Variants in PASD1 observed in about 807,000 individuals in gnomAD.
The protein encoded by PASD1 is circadian clock protein PASD1.
PASD1 carries 13 observed loss-of-function variants against 58.8 expected under a neutral mutation model. The observed-to-expected ratio is 0.22, with a 90% CI of 0.14 to 0.35. The LOEUF (loss-of-function observed/expected upper bound fraction) is 0.35. Among genes scored for constraint, PASD1 ranks in the 10% least tolerant of loss-of-function variants. The probability of loss-of-function intolerance (pLI) is 1.00; values close to 1 mark genes in which losing one functional copy is unlikely to be tolerated. For missense variants in PASD1, 734 were observed against 568.3 expected (o/e 1.29, Z -2.96); for synonymous variants, 236 against 216.7 (o/e 1.09, Z -0.78).
chrX:151,648,468 A>G (rs181710804), intron 8 of PASD1, 147 bp from the exon 9 acceptor site: 2 of 558,118 alleles, frequency 3.6e-6, no homozygotes, highest in African/African-American at 4.6e-5. Flanking sequence ...CTGTGGGAAA[A>G]ATGATACCTC....
intron 7 of PASD1, among the ~76,000 whole-genome samples, chrX:151,624,753 CTG>C (rs1333980422): frequency 1.8e-5 from 2 of 111,895 alleles, no homozygotes; most frequent in Non-Finnish European, 3.8e-5. Flanking sequence ...ATTTTAGAAA[CTG>C]TGGAGGGGGC....
intron 8 of PASD1, chrX:151,641,222 G>A (rs773665110): frequency 9.0e-6 from 1 of 110,607 alleles, no homozygotes; most frequent in Admixed American, 9.7e-5. Context: ...CAAAAAAAAA[G>A]CACATTAGAG....
rs5904327 is a variant in PASD1, at chrX:151,668,916, A to ATT, written c.1072-2110_1072-2109dup. On this transcript the variant is annotated intron_variant, in intron 11 of 15. Transcript: ENST00000370357. Reference sequence around the variant, plus strand: ...CAGAGACACAACAAAAAAAAAAGAGATTTTTTTTTTTTTCAGAGATGGGGT... The same window carrying ATT: ...CAGAGACACAACAAAAAAAAAAGAGATTTTTTTTTTTTTTTCAGAGATGGGGT... Among the ~76,000 whole-genome samples the ATT allele has an allele frequency of 3.6e-3, 338 of 93,253 alleles. 1 individual carries two copies. Among genetic ancestry groups the ATT allele is most frequent in the African/African-American group, 6.3e-3 (161 of 25,512 alleles). The allele number at this position is 93,253 out of a possible 115,157, so 81.0% of individuals were successfully genotyped here. A position where few individuals can be genotyped will look rare whatever the true frequency, so the allele number is the denominator to read the frequency against.
chrX:151,670,456 A>G (rs980286688), intron 11 of PASD1, among the ~76,000 whole-genome samples: 2 of 111,788 alleles, frequency 1.8e-5, no homozygotes, highest in Admixed American at 1.9e-4. Flanking sequence ...ACTTTTATAA[A>G]CCTGTACATT....
chrX:151,629,892 T>C (rs1049616566), intron 8 of PASD1, among the ~76,000 whole-genome samples: 2 of 112,050 alleles, frequency 1.8e-5, no homozygotes, highest in Admixed American at 1.9e-4. Context: ...ATACTCATAT[T>C]TTATTTAAAG....
intron 7 of PASD1, among the ~76,000 whole-genome samples, chrX:151,624,149 T>C (rs776092676): frequency 3.2e-4 from 36 of 111,780 alleles, no homozygotes; most frequent in Non-Finnish European, 6.4e-4. Context: ...GGACTATGAT[T>C]GTAGTAATGG....
intron 3 of PASD1, among the ~76,000 whole-genome samples, chrX:151,605,240 T>G (rs2013473281): frequency 8.9e-6 from 1 of 112,187 alleles, no homozygotes; most frequent in African/African-American, 3.2e-5. Flanking sequence ...ACTTGCTGTA[T>G]GTCTTGACTG....
intron 10 of PASD1, among the ~76,000 whole-genome samples, chrX:151,662,973 A>G (rs758615432): frequency 2.1e-4 from 23 of 111,624 alleles, no homozygotes; most frequent in Non-Finnish European, 4.1e-4. Flanking sequence ...ATCACTGTGG[A>G]TATGTCATTT....
intron 4 of PASD1, among the ~76,000 whole-genome samples, chrX:151,615,012 A>G (rs1266161768): frequency 1.1e-5 from 1 of 87,053 alleles, no homozygotes; most frequent in African/African-American, 4.3e-5. Flanking sequence ...TAAATCATAG[A>G]AGGAAAAGAG....
chrX:151,601,367 G>A (rs2013413255), intron 1 of PASD1, among the ~76,000 whole-genome samples, 160 bp from the exon 2 acceptor site: 1 of 112,305 alleles, frequency 8.9e-6, no homozygotes, highest in African/African-American at 3.2e-5. Flanking sequence ...TAACATATGA[G>A]AGTGTTATTG....
At chrX:151,599,818 C>T (rs907674047) in intron 1 of PASD1, among the ~76,000 whole-genome samples, 6 of 107,076 alleles carry the variant, frequency 5.6e-5, no homozygotes, top group South Asian at 4.2e-4. Flanking sequence ...ACATCCCAGA[C>T]GATGGGCAGC....
At chrX:151,584,873 G>T (rs1245548207) in intron 1 of PASD1, among the ~76,000 whole-genome samples, 1 of 111,897 alleles carries the variant, frequency 8.9e-6, no homozygotes, top group East Asian at 2.8e-4. Flanking sequence ...TCATCTCATT[G>T]TATAGGACCA....
At chrX:151,663,385 T>C (rs1325620667) in intron 10 of PASD1, among the ~76,000 whole-genome samples, 1 of 112,438 alleles carries the variant, frequency 8.9e-6, no homozygotes, top group African/African-American at 3.2e-5. Flanking sequence ...CAACGGTTCA[T>C]TCCCTTTTAT....
chrX:151,566,662 T>C (rs1270245689), intron 1 of PASD1, among the ~76,000 whole-genome samples: 1 of 112,219 alleles, frequency 8.9e-6, no homozygotes, highest in East Asian at 2.8e-4. Context: ...GATTTTGGAA[T>C]ACATGTAATT....
In PASD1 at chrX:151,612,359, A is replaced by G. The variant is rs753323593; in HGVS notation, c.207+606A>G. Among the ~76,000 whole-genome samples, 5 of 107,414 alleles carry G rather than the reference A, an allele frequency of 4.7e-5. No homozygotes were observed. In the South Asian group the frequency reaches 2.1e-3, roughly 46 times the overall value. The allele number at this position is 107,414 out of a possible 115,157, so 93.3% of individuals were successfully genotyped here. A position where few individuals can be genotyped will look rare whatever the true frequency, so the allele number is the denominator to read the frequency against. Reference sequence around the variant, plus strand: ...TAATGGGATGGCTGGGTCAAATGGTATTTCTAGTTCTAGATCCCTGAGGAA... The same window carrying G: ...TAATGGGATGGCTGGGTCAAATGGTGTTTCTAGTTCTAGATCCCTGAGGAA... On this transcript the variant is annotated intron_variant, in intron 4 of 15. Coordinates refer to ENST00000370357, the MANE Select transcript of PASD1 (RefSeq NM_173493.3).
intron 11 of PASD1, among the ~76,000 whole-genome samples, chrX:151,666,495 T>A (rs1266128257): frequency 9.1e-6 from 1 of 109,295 alleles, no homozygotes; most frequent in Admixed American, 9.8e-5. Flanking sequence ...TAACTCATCA[T>A]TTAACATTAG....
At chrX:151,593,030 G>A (rs1490192557) in intron 1 of PASD1, among the ~76,000 whole-genome samples, 2 of 110,473 alleles carry the variant, frequency 1.8e-5, no homozygotes. Flanking sequence ...TTTGTAGTTA[G>A]ATGTAAACAT....
chrX:151,650,384 TA>T (rs1369660557), intron 9 of PASD1, among the ~76,000 whole-genome samples: 124 of 93,815 alleles, frequency 1.3e-3, no homozygotes, highest in African/African-American at 3.4e-3. Flanking sequence ...GTGGGCTGTT[TA>T]AAAAAAAAAA....
chrX:151,635,725 C>T (rs1055178763), intron 8 of PASD1, among the ~76,000 whole-genome samples: 1 of 111,680 alleles, frequency 9.0e-6, no homozygotes, highest in Non-Finnish European at 1.9e-5. Context: ...GTAAAATACA[C>T]CTATCTTAAG....
Sources: allele counts gnomAD v4.1 joint callset (sites outside exome capture counted in the v4.1 genomes callset), GRCh38; gene constraint gnomAD v4.1.1; transcripts MANE v1.5; gene names NCBI Gene and HGNC (gene_info 2026-07-23, HGNC 2026-07-21).